MIPOL1: variants seen among roughly 807,000 people sequenced by gnomAD.
MIPOL1 encodes the protein mirror-image polydactyly gene 1 protein.
MIPOL1 carries 57 observed loss-of-function variants against 60.9 expected under a neutral mutation model. The ratio of observed to expected loss-of-function variants is 0.94; its 90% CI spans 0.76 to 1.17. The LOEUF (loss-of-function observed/expected upper bound fraction) is 1.17. Ranked by LOEUF, MIPOL1 falls within the 50% of genes most tolerant of loss-of-function variation. MIPOL1 has a pLI of 0.00. For missense variants in MIPOL1, 551 were observed against 511.6 expected, an observed-to-expected ratio of 1.08 and a Z score of -0.74; for synonymous variants, 179 against 168.8, an observed-to-expected ratio of 1.06 and a Z score of -0.47.
intron 1 of MIPOL1, among the ~76,000 whole-genome samples, chr14:37,240,029 G>C (rs954168001): frequency 3.3e-5 from 5 of 151,928 alleles, no homozygotes; most frequent in Non-Finnish European, 5.9e-5. Flanking sequence ...GTATTTTTTG[G>C]TGTTTCTTTG....
intron 2 of MIPOL1, 29 bp downstream of exon 2, chr14:37,247,269 C>T (rs1973328557): frequency 6.6e-6 from 1 of 151,462 alleles, no homozygotes; most frequent in Non-Finnish European, 1.5e-5. Context: ...TCCTTAAAAG[C>T]ATAAAAAAAA....
intron 9 of MIPOL1, among the ~76,000 whole-genome samples, chr14:37,353,198 T>C (rs1297717088): frequency 1.6e-4 from 23 of 147,628 alleles, no homozygotes; most frequent in Non-Finnish European, 3.0e-5. Context: ...GTTTATACGC[T>C]GGATTACATT....
At chr14:37,436,100 T>C (rs1395614385) in intron 11 of MIPOL1, among the ~76,000 whole-genome samples, 1 of 152,168 alleles carries the variant, frequency 6.6e-6, no homozygotes, top group Non-Finnish European at 1.5e-5. Flanking sequence ...TTTTAACTGT[T>C]TTTGAAGGTA....
chr14:37,498,933 C>T lies in MIPOL1; in HGVS notation c.1032-975C>T, dbSNP rs145094965. On this transcript the variant is annotated intron_variant, in intron 11 of 12. Transcript: ENST00000684589. ...GACAATGCCAAAGTTCACTAACTAG[C>T]TTTTTGCAGGTTTAATAATGATATT... Among the ~76,000 whole-genome samples, 1,285 of 152,166 alleles carry T rather than the reference C, an allele frequency of 8.4e-3. 19 individuals are homozygous for T. Among genetic ancestry groups the T allele is most frequent in the African/African-American group, 0.028 (1,178 of 41,524 alleles).
At chr14:37,350,246 A>G (rs1340021471) in intron 9 of MIPOL1, among the ~76,000 whole-genome samples, 2 of 151,934 alleles carry the variant, frequency 1.3e-5, no homozygotes, top group Non-Finnish European at 2.9e-5. Flanking sequence ...AAATTCTTTA[A>G]TTTTTATTTT....
At chr14:37,439,651 T>C (rs1455683149) in intron 11 of MIPOL1, among the ~76,000 whole-genome samples, 1 of 152,088 alleles carries the variant, frequency 6.6e-6, no homozygotes, top group South Asian at 2.1e-4. Context: ...CCTGAAAACG[T>C]CAACCCCTGG....
chr14:37,341,057 G>A (rs1232189291), intron 9 of MIPOL1, among the ~76,000 whole-genome samples: 1 of 152,146 alleles, frequency 6.6e-6, no homozygotes, highest in South Asian at 2.1e-4. Context: ...TGTGCAGTAG[G>A]CTATACCATC....
chr14:37,209,971 A>G (rs1966671827), intron 1 of MIPOL1, among the ~76,000 whole-genome samples: 1 of 151,872 alleles, frequency 6.6e-6, no homozygotes, highest in African/African-American at 2.4e-5. Context: ...TTGGACTCTC[A>G]AAGTACTGAT....
chr14:37,337,989 A>C (rs753201884), intron 9 of MIPOL1, among the ~76,000 whole-genome samples: 3 of 151,870 alleles, frequency 2.0e-5, no homozygotes, highest in Non-Finnish European at 4.4e-5. Flanking sequence ...ATATTTTTAT[A>C]GTTTATCCTT....
At chr14:37,248,120 A>T (rs138750106) in intron 3 of MIPOL1, among the ~76,000 whole-genome samples, 2 of 151,988 alleles carry the variant, frequency 1.3e-5, no homozygotes, top group African/African-American at 2.4e-5. Context: ...AGAGAAAGGG[A>T]CACACACATG....
Position 37,516,058 on chromosome 14 carries a change from G to A in MIPOL1, c.1262+15920G>A, listed in dbSNP as rs183229978. On this transcript the variant is annotated intron_variant, in intron 12 of 12. Coordinates refer to ENST00000684589, the MANE Select transcript of MIPOL1 (RefSeq NM_001388067.1). ...TCAAACTTGGCAATGAAAACACAAA[G>A]CTCTTTTCATCAATTCAAACGCAGA... Among the ~76,000 whole-genome samples the A allele has an allele frequency of 1.4e-3, 216 of 152,270 alleles. 2 individuals carry two copies. The highest frequency in any genetic ancestry group is 0.012 in the Admixed American group (180 of 15,286).
intron 10 of MIPOL1, among the ~76,000 whole-genome samples, chr14:37,422,351 A>G (rs1416501991): frequency 6.6e-6 from 1 of 152,034 alleles, no homozygotes; most frequent in African/African-American, 2.4e-5. Context: ...AACTGTAAGA[A>G]TCAGTCTGTA....
intron 7 of MIPOL1, among the ~76,000 whole-genome samples, chr14:37,302,262 G>GTTTTTTTTTTTTTT (rs57468146): frequency 2.1e-5 from 2 of 95,032 alleles, no homozygotes; most frequent in Admixed American, 1.2e-4. Flanking sequence ...TGGAACTGTT[G>GTTTTTTTTTTTTTT]TTTTTTTTTT....
At chr14:37,341,217 C>T (rs1164998222) in intron 9 of MIPOL1, among the ~76,000 whole-genome samples, 1 of 152,152 alleles carries the variant, frequency 6.6e-6, no homozygotes, top group African/African-American at 2.4e-5. Context: ...TGAGCACATG[C>T]TATTGGAAAA....
intron 10 of MIPOL1, among the ~76,000 whole-genome samples, chr14:37,421,152 A>T (rs1051089679): frequency 6.6e-6 from 1 of 152,176 alleles, no homozygotes; most frequent in African/African-American, 2.4e-5. Context: ...CATTTTCATT[A>T]TGAAAATTTC....
intron 12 of MIPOL1, chr14:37,505,129 A>T (rs1205749236): frequency 6.6e-6 from 1 of 152,162 alleles, no homozygotes; most frequent in Admixed American, 6.5e-5. Context: ...CCACCAAAAA[A>T]AGTCCAGAAC....
intron 12 of MIPOL1, among the ~76,000 whole-genome samples, chr14:37,539,856 A>G (rs953881986): frequency 1.3e-5 from 2 of 152,180 alleles, no homozygotes; most frequent in Non-Finnish European, 2.9e-5. Context: ...CCCAAATCTC[A>G]TATTGAATTG....
chr14:37,458,667 TACACAC>T (rs913733091), intron 11 of MIPOL1, among the ~76,000 whole-genome samples: 3 of 149,998 alleles, frequency 2.0e-5, no homozygotes, highest in Admixed American at 6.7e-5. Context: ...AAAAAAAAAA[TACACAC>T]ACACACATAC....
chr14:37,274,313 T>C (rs2083492273), intron 6 of MIPOL1, among the ~76,000 whole-genome samples: 1 of 151,622 alleles, frequency 6.6e-6, no homozygotes, highest in Non-Finnish European at 1.5e-5. Context: ...TGTGATTTTA[T>C]GATAGTTTGA....
Sources: gnomAD v4.1 joint callset for allele counts (sites outside exome capture counted in the v4.1 genomes callset) on GRCh38, gnomAD v4.1.1 for gene constraint, MANE v1.5 for transcripts, NCBI Gene and HGNC (gene_info 2026-07-23, HGNC 2026-07-21) for gene names.